The following SNTG1 variants were observed in gnomAD, a reference collection of about 807,000 sequenced individuals.
The protein encoded by SNTG1 is gamma-1-syntrophin.
A neutral mutation model predicts 74.7 loss-of-function variants in SNTG1; 39 were observed. That is an observed-to-expected ratio of 0.52 (90% confidence interval 0.40 to 0.68). The LOEUF is 0.68. Among genes scored for constraint, SNTG1 ranks in the 30% least tolerant of loss-of-function variants. The pLI is 0.00. For synonymous variants in SNTG1, 254 were observed against 217.1 expected, an observed-to-expected ratio of 1.17 and a Z score of -1.49; for missense variants, 685 against 609.5, an observed-to-expected ratio of 1.12 and a Z score of -1.30.
chr8:50,586,405 T>C (rs2094648375), intron 12 of SNTG1, among the ~76,000 whole-genome samples: 1 of 152,218 alleles, frequency 6.6e-6, no homozygotes, highest in East Asian at 1.9e-4. Context: ...TCTGTCTGAC[T>C]GCACAGCCTG....
intron 1 of SNTG1, among the ~76,000 whole-genome samples, chr8:50,097,723 T>C (rs1415744445): frequency 6.6e-6 from 1 of 152,094 alleles, no homozygotes; most frequent in African/African-American, 2.4e-5. Context: ...TTTAAGATTA[T>C]GAAGAAAATA....
At chr8:50,062,476 T>C (rs2030707809) in intron 1 of SNTG1, among the ~76,000 whole-genome samples, 2 of 152,224 alleles carry the variant, frequency 1.3e-5, no homozygotes, top group Non-Finnish European at 2.9e-5. Context: ...TTCTGCTAAA[T>C]TGATGCTTTC....
intron 2 of SNTG1, among the ~76,000 whole-genome samples, chr8:50,350,034 C>T (rs996298022): frequency 2.0e-5 from 3 of 152,158 alleles, no homozygotes; most frequent in Non-Finnish European, 4.4e-5. Context: ...GCCTGCCGGC[C>T]GGGCAATGAG....
At chr8:50,631,038 A>T (rs950906437) in intron 13 of SNTG1, among the ~76,000 whole-genome samples, 2 of 152,208 alleles carry the variant, frequency 1.3e-5, no homozygotes, top group Non-Finnish European at 2.9e-5. Context: ...AAACCTAGGA[A>T]TTTAGTCTGG....
intron 2 of SNTG1, among the ~76,000 whole-genome samples, chr8:50,246,422 T>C (rs559188865): frequency 6.6e-6 from 1 of 152,090 alleles, no homozygotes; most frequent in African/African-American, 2.4e-5. Flanking sequence ...AGTTTATCCA[T>C]AAAGACCTGA....
intron 15 of SNTG1, among the ~76,000 whole-genome samples, chr8:50,701,977 C>A (rs760879004): frequency 2.0e-5 from 3 of 151,632 alleles, no homozygotes; most frequent in African/African-American, 7.3e-5. Context: ...CAGACTCCCA[C>A]GTAGCTGGAA....
chr8:50,010,784 T>TG (rs1815708470), intron 1 of SNTG1, among the ~76,000 whole-genome samples: 1 of 139,946 alleles, frequency 7.1e-6, no homozygotes, highest in African/African-American at 2.8e-5. Flanking sequence ...CACAGGCCTC[T>TG]CTTTTTTTTT....
At chr8:50,301,417 TA>T (rs2089639213) in intron 2 of SNTG1, among the ~76,000 whole-genome samples, 1 of 152,306 alleles carries the variant, frequency 6.6e-6, no homozygotes, top group East Asian at 1.9e-4. Flanking sequence ...ACTTCTTTTT[TA>T]TATGATGTCT....
chr8:50,369,187 T>A (rs751375472), intron 2 of SNTG1, among the ~76,000 whole-genome samples: 3 of 152,198 alleles, frequency 2.0e-5, no homozygotes, highest in Non-Finnish European at 4.4e-5. Context: ...AATGCATATA[T>A]TGAAGCCCTA....
In SNTG1 at chr8:50,468,045, T is replaced by C. The variant is rs115371127; in HGVS notation, c.363+17316T>C. ...TTCAAAAAATAGTTAAAATTTGTTTTCTGGCATAGAATATAGTCTGCTTTT... is the reference window on the plus strand; with the variant it reads ...TTCAAAAAATAGTTAAAATTTGTTTCCTGGCATAGAATATAGTCTGCTTTT... On this transcript the variant is annotated intron_variant, in intron 8 of 18. Coordinates refer to ENST00000642720, the MANE Select transcript of SNTG1 (RefSeq NM_018967.5). Among the ~76,000 whole-genome samples, 1,139 of 152,022 alleles carry C rather than the reference T, an allele frequency of 7.5e-3. 18 individuals are homozygous for C. Among genetic ancestry groups the C allele is most frequent in the African/African-American group, 0.026 (1,088 of 41,560 alleles).
At chr8:50,180,750 C>CTTTTTT (rs60630226) in intron 2 of SNTG1, among the ~76,000 whole-genome samples, 1 of 80,646 alleles carries the variant, frequency 1.2e-5, no homozygotes, top group African/African-American at 6.4e-5. Flanking sequence ...ATTGTGAAGC[C>CTTTTTT]TTTTTTTTTT....
intron 3 of SNTG1, among the ~76,000 whole-genome samples, chr8:50,401,008 C>A (rs1161830093): frequency 6.6e-6 from 1 of 152,026 alleles, no homozygotes; most frequent in African/African-American, 2.4e-5. Flanking sequence ...TGCTAATTAT[C>A]ATGATTTGAT....
intron 11 of SNTG1, among the ~76,000 whole-genome samples, chr8:50,552,750 G>A (rs1345510390): frequency 6.6e-6 from 1 of 152,140 alleles, no homozygotes; most frequent in African/African-American, 2.4e-5. Context: ...GGAAAAGAAT[G>A]CATCTAAAAT....
At chr8:49,924,930 G>C (rs886536773) in intron 1 of SNTG1, among the ~76,000 whole-genome samples, 1 of 151,926 alleles carries the variant, frequency 6.6e-6, no homozygotes, top group East Asian at 1.9e-4. Flanking sequence ...CAGGAGGATC[G>C]CTTGAGGCCA....
At chr8:50,715,982 T>C (rs2095473999) in intron 17 of SNTG1, among the ~76,000 whole-genome samples, 1 of 152,166 alleles carries the variant, frequency 6.6e-6, no homozygotes, top group Admixed American at 6.5e-5. Flanking sequence ...TGAATTGAAG[T>C]TAATATGGCC....
intron 2 of SNTG1, among the ~76,000 whole-genome samples, chr8:50,181,677 T>C (rs2083210455): frequency 6.6e-6 from 1 of 152,236 alleles, no homozygotes; most frequent in South Asian, 2.1e-4. Flanking sequence ...ACTGTGTAAT[T>C]GCTAGTATGC....
chr8:50,768,610 C>A (rs1324393561), intron 18 of SNTG1, among the ~76,000 whole-genome samples: 2 of 152,112 alleles, frequency 1.3e-5, no homozygotes, highest in East Asian at 3.9e-4. Context: ...GTCTATCTGG[C>A]TTTTCACAAT....
At chr8:50,236,767 A>T (rs1388492214) in intron 2 of SNTG1, among the ~76,000 whole-genome samples, 1 of 152,078 alleles carries the variant, frequency 6.6e-6, no homozygotes, top group African/African-American at 2.4e-5. Context: ...TTTAAAACAT[A>T]TATTTATATA....
intron 1 of SNTG1, among the ~76,000 whole-genome samples, chr8:50,010,239 G>A (rs1815645933): frequency 6.6e-6 from 1 of 152,040 alleles, no homozygotes; most frequent in South Asian, 2.1e-4. Flanking sequence ...ATACCAGGCA[G>A]TATTCAAGGT....
Sources: allele counts gnomAD v4.1 joint callset (sites outside exome capture counted in the v4.1 genomes callset), GRCh38; gene constraint gnomAD v4.1.1; transcripts MANE v1.5; gene names NCBI Gene and HGNC (gene_info 2026-07-23, HGNC 2026-07-21).